RIC8B: variants seen among roughly 807,000 people sequenced by gnomAD.
RIC8B encodes the protein RIC8 guanine nucleotide exchange factor B, also known as chaperone Ric-8B.
Under a neutral mutation model 57.5 loss-of-function variants are expected in RIC8B, and 16 were observed. That is an observed-to-expected ratio of 0.28 (90% CI 0.19 to 0.42). The LOEUF (loss-of-function observed/expected upper bound fraction) is 0.42, where lower values mean the gene tolerates loss of function less well. RIC8B is among the 10% of genes least tolerant of loss of function. The pLI is 1.00. For missense variants in RIC8B, 481 were observed against 677.0 expected, an observed-to-expected ratio of 0.71 and a Z score of 3.21; for synonymous variants, 216 against 250.8, an observed-to-expected ratio of 0.86 and a Z score of 1.31.
intron 7 of RIC8B, among the ~76,000 whole-genome samples, chr12:106,851,981 G>A (rs905262538): frequency 2.0e-5 from 3 of 152,144 alleles, no homozygotes; most frequent in Admixed American, 6.5e-5. Flanking sequence ...TGGAATTAAA[G>A]CTATAGGAGT....
rs779823737 is a variant in RIC8B at position 106,815,183 on chromosome 12, A to G, written c.620A>G (p.Glu207Gly). 1 of 1,614,236 alleles carries G rather than the reference A, an allele frequency of 6.2e-7. No individual in the cohort carries two copies. Among genetic ancestry groups the G allele is most frequent in the Non-Finnish European group, 8.5e-7 (1 of 1,180,048 alleles). Residue 207 changes from glutamate (E) to glycine (G), a missense_variant, in exon 3 of 10, where the codon GAG becomes GGG. By Grantham distance (98) the Glu-to-Gly change is moderately conservative. This residue lies in a region of RIC8B where 421 missense variants were observed against 560.9 expected (regional missense o/e 0.75). Transcript: ENST00000392837. ...GCCTTTAGCATCAAGTGGACCGATG[A>G]GTATGAATCGGCCATAGACCATAAT... ...ESAFSIKWTD[E>G]YESAIDHNGP...
At chr12:106,810,458 T>C (rs2136270395) in intron 2 of RIC8B, among the ~76,000 whole-genome samples, 1 of 152,288 alleles carries the variant, frequency 6.6e-6, no homozygotes, top group Middle Eastern at 3.4e-3. Context: ...AAAAGAAAAC[T>C]GACAGGACGG....
At chr12:106,863,179 G>T (rs1413763494) in intron 8 of RIC8B, among the ~76,000 whole-genome samples, 3 of 152,078 alleles carry the variant, frequency 2.0e-5, no homozygotes, top group African/African-American at 7.2e-5. Context: ...GCTCCTTTTA[G>T]ATGAGTGGCT....
At chr12:106,780,309 G>GC (rs1468130245) in intron 1 of RIC8B, among the ~76,000 whole-genome samples, 2 of 152,104 alleles carry the variant, frequency 1.3e-5, no homozygotes, top group Non-Finnish European at 2.9e-5. Flanking sequence ...TTGAAGTATG[G>GC]CAAGTTTTTG....
chr12:106,882,170 C>A (rs889215456), intron 9 of RIC8B, among the ~76,000 whole-genome samples: 1 of 152,166 alleles, frequency 6.6e-6, no homozygotes, highest in Non-Finnish European at 1.5e-5. Flanking sequence ...CTTCTGTAAG[C>A]ACTTAAGGGA....
At chr12:106,855,402 A>G (rs1349658841) in intron 7 of RIC8B, among the ~76,000 whole-genome samples, 1 of 143,852 alleles carries the variant, frequency 7.0e-6, no homozygotes. Context: ...GCATACTTAT[A>G]TCACTGTCCT....
At chr12:106,822,904 TACTA>T (rs1394736585) in intron 3 of RIC8B, 3 of 153,350 alleles carry the variant, frequency 2.0e-5, no homozygotes, top group Non-Finnish European at 4.4e-5. Flanking sequence ...GCAACCAAAA[TACTA>T]ACCTGTGACA....
chr12:106,784,512 C>T (rs2043910601), intron 2 of RIC8B, among the ~76,000 whole-genome samples: 1 of 152,200 alleles, frequency 6.6e-6, no homozygotes, highest in South Asian at 2.1e-4. Context: ...TACAGGCACA[C>T]ACCAGCATGC....
At chr12:106,829,600 A>G (rs1230440777) in intron 4 of RIC8B, among the ~76,000 whole-genome samples, 1 of 152,218 alleles carries the variant, frequency 6.6e-6, no homozygotes, top group Admixed American at 6.5e-5. Flanking sequence ...TGCCTTAAAC[A>G]TGGCAGTCTT....
chr12:106,818,051 AT>A (rs890855669), intron 3 of RIC8B, among the ~76,000 whole-genome samples: 3 of 152,190 alleles, frequency 2.0e-5, no homozygotes, highest in Non-Finnish European at 4.4e-5. Flanking sequence ...TAAAATAAAC[AT>A]TTTTTTCCTT....
intron 2 of RIC8B, among the ~76,000 whole-genome samples, chr12:106,804,776 A>C (rs1357135931): frequency 6.6e-6 from 1 of 152,230 alleles, no homozygotes; most frequent in African/African-American, 2.4e-5. Flanking sequence ...AGAACTCTCC[A>C]TAAATATAAT....
intron 3 of RIC8B, among the ~76,000 whole-genome samples, chr12:106,819,424 A>G (rs1438040211): frequency 6.6e-6 from 1 of 152,170 alleles, no homozygotes; most frequent in Non-Finnish European, 1.5e-5. Context: ...GTGAAATAAT[A>G]CATACTTATA....
At chr12:106,838,548 AAAAG>A (rs1259588872) in intron 4 of RIC8B, among the ~76,000 whole-genome samples, 1 of 151,790 alleles carries the variant, frequency 6.6e-6, no homozygotes, top group Non-Finnish European at 1.5e-5. Flanking sequence ...AAAAAAAAAA[AAAAG>A]AGGGAGGAGG....
chr12:106,863,036 C>G (rs939195518), intron 8 of RIC8B, among the ~76,000 whole-genome samples: 2 of 152,128 alleles, frequency 1.3e-5, no homozygotes, highest in African/African-American at 4.8e-5. Flanking sequence ...TTTCTAAATT[C>G]TAACCTTTAT....
intron 4 of RIC8B, among the ~76,000 whole-genome samples, chr12:106,837,697 A>G (rs1362878856): frequency 7.2e-6 from 1 of 139,100 alleles, no homozygotes; most frequent in African/African-American, 2.8e-5. Flanking sequence ...GCTGGAGTGC[A>G]GTAGTGCAGT....
At chr12:106,880,053 C>A in intron 9 of RIC8B, 1 of 658,036 alleles carries the variant, frequency 1.5e-6, no homozygotes, top group Non-Finnish European at 1.9e-6. Flanking sequence ...GACACATAGC[C>A]ATCCTTTTTA....
At position 106,825,710 on chromosome 12, in the gene RIC8B, T is replaced by C. The variant is rs2136330708; in HGVS notation, c.742-16T>C. 1 of 1,604,602 alleles carries C rather than the reference T, an allele frequency of 6.2e-7. No homozygotes were observed. Among genetic ancestry groups the C allele is most frequent in the East Asian group, 2.2e-5 (1 of 44,768 alleles). ...ATTCAACCCCCAATGTTTCCTCTCT[T>C]TTTTATTTGCCATAGAGTGATTCTC... On this transcript the variant is annotated splice_polypyrimidine_tract_variant and intron_variant, in intron 3 of 9. Transcript: ENST00000392837.
intron 8 of RIC8B, among the ~76,000 whole-genome samples, chr12:106,868,766 G>GACACACACACACACACACACACACAC (rs56293147): frequency 8.1e-6 from 1 of 122,986 alleles, no homozygotes; most frequent in African/African-American, 3.1e-5. Flanking sequence ...AGGCACTCTA[G>GACACACACACACACACACACACACAC]ACACACACAC....
intron 2 of RIC8B, among the ~76,000 whole-genome samples, chr12:106,813,004 G>A (rs1328319754): frequency 6.6e-6 from 1 of 151,794 alleles, no homozygotes. Flanking sequence ...ATCAATTGTA[G>A]GTTGAAAATA....
Sources: allele counts gnomAD v4.1 joint callset (sites outside exome capture counted in the v4.1 genomes callset), GRCh38; gene constraint gnomAD v4.1.1; regional missense constraint gnomAD v4.1.1; transcripts MANE v1.5; gene names NCBI Gene and HGNC (gene_info 2026-07-23, HGNC 2026-07-21).